The following COL13A1 variants were observed in gnomAD, a reference collection of about 807,000 sequenced individuals.
COL13A1 encodes collagen alpha-1(XIII) chain.
A neutral mutation model predicts 130.9 loss-of-function variants in COL13A1; 89 were observed. The observed-to-expected ratio is 0.68, with a 90% CI of 0.57 to 0.81. The LOEUF is 0.81. COL13A1 is among the 30% of genes least tolerant of loss of function. COL13A1 has a pLI of 0.00. For synonymous variants in COL13A1, 402 were observed against 341.6 expected, an observed-to-expected ratio of 1.18 and a Z score of -1.95; for missense variants, 879 against 934.6, an observed-to-expected ratio of 0.94 and a Z score of 0.78.
chr10:69,842,000 C>T (rs1479155645), intron 2 of COL13A1, among the ~76,000 whole-genome samples: 4 of 152,184 alleles, frequency 2.6e-5, no homozygotes, highest in African/African-American at 7.2e-5. Flanking sequence ...AAGTATTGAG[C>T]AGGACCATGA....
intron 18 of COL13A1, among the ~76,000 whole-genome samples, chr10:69,917,673 G>A (rs1026432753): frequency 6.7e-6 from 1 of 150,300 alleles, no homozygotes; most frequent in African/African-American, 2.5e-5. Context: ...AAAGTGAAAT[G>A]ATATCAGGTG....
chr10:69,930,798 T>C (rs2066011467), intron 30 of COL13A1, among the ~76,000 whole-genome samples: 2 of 152,228 alleles, frequency 1.3e-5, no homozygotes, highest in Admixed American at 1.3e-4. Context: ...CCACTCACTG[T>C]TGCAGAGTCT....
intron 1 of COL13A1, among the ~76,000 whole-genome samples, chr10:69,808,800 G>C (rs1842240090): frequency 6.6e-6 from 1 of 152,230 alleles, no homozygotes; most frequent in African/African-American, 2.4e-5. Context: ...CCTGTTAGAG[G>C]CTGGGGAAGG....
At chr10:69,877,541 C>A (rs2059688597) in intron 5 of COL13A1, 1 of 161,666 alleles carries the variant, frequency 6.2e-6, no homozygotes, top group Admixed American at 6.1e-5. Context: ...CGATCCCCAC[C>A]CCAACCTCAG....
At chr10:69,900,233 C>T (rs1260609354) in intron 14 of COL13A1, among the ~76,000 whole-genome samples, 2 of 152,196 alleles carry the variant, frequency 1.3e-5, no homozygotes, top group African/African-American at 4.8e-5. Context: ...CCAACAGCGA[C>T]CTCCCAGCCT....
In COL13A1 at chr10:69,923,457, A is replaced by G. The variant is rs1430569951; in HGVS notation, c.1231-345A>G. ...TCAGAAGGAAAGCATGAATTACTCT[A>G]CATCATCTGGGGCAATACACTCATT... On this transcript the variant is annotated intron_variant, in intron 23 of 40. Coordinates refer to ENST00000645393, the MANE Select transcript of COL13A1 (RefSeq NM_001368882.1). Among the ~76,000 whole-genome samples the G allele has an allele frequency of 3.3e-5, 5 of 152,220 alleles. No individual in the cohort carries two copies. The East Asian group carries it at 9.6e-4, about 29-fold the overall frequency.
chr10:69,829,589 T>C (rs1322371168), intron 2 of COL13A1, among the ~76,000 whole-genome samples: 2 of 152,256 alleles, frequency 1.3e-5, no homozygotes, highest in African/African-American at 4.8e-5. Context: ...AGGCCCTTCC[T>C]TGGCTGTTGC....
chr10:69,904,663 A>G (rs552296418), intron 15 of COL13A1, among the ~76,000 whole-genome samples: 1 of 152,284 alleles, frequency 6.6e-6, no homozygotes, highest in Non-Finnish European at 1.5e-5. Flanking sequence ...GATGCTGCTG[A>G]CCTACTTTCC....
At chr10:69,953,885 A>G (rs941366440) in intron 39 of COL13A1, 2 of 152,682 alleles carry the variant, frequency 1.3e-5, no homozygotes, top group African/African-American at 4.8e-5. Context: ...GGGCCTCTCT[A>G]TTCCATGGTT....
chr10:69,839,551 C>G (rs143486936), intron 2 of COL13A1, among the ~76,000 whole-genome samples: 1 of 152,278 alleles, frequency 6.6e-6, no homozygotes, highest in East Asian at 1.9e-4. Context: ...GGGGAGCCCA[C>G]CACGCAGAGC....
Position 69,894,544 on chromosome 10 carries a change from T to C in COL13A1, c.604-8T>C, listed in dbSNP as rs771440875. 1.2e-6 allele frequency: 2 copies of C among 1,613,884 alleles called. No homozygotes were observed. Among genetic ancestry groups the C allele is most frequent in the Non-Finnish European group, 1.7e-6 (2 of 1,179,884 alleles). ...GCCCACTGACCTGTGTGTGTTTGCT[T>C]CCCACAGGGTCTGACGGGTCCCCCA... On this transcript the variant is annotated splice_polypyrimidine_tract_variant and splice_region_variant and intron_variant, in intron 10 of 40. Coordinates refer to ENST00000645393, the MANE Select transcript of COL13A1 (RefSeq NM_001368882.1).
At position 69,902,689 on chromosome 10, in the gene COL13A1, G is replaced by C. The variant is rs1424244891; in HGVS notation, c.751-59G>C. ...TTCACTGGGTGCATGGCCTGAGGGT[G>C]GGGGACGGTCTGCAGCTCTGGGGGC... is the stretch of plus-strand genomic sequence containing the variant. On this transcript the variant is annotated intron_variant, in intron 14 of 40. Transcript: ENST00000645393. 4.9e-6 allele frequency: 7 copies of C among 1,416,210 alleles called. No homozygotes were observed. In the African/African-American group the frequency reaches 5.8e-5, roughly 12 times the overall value. 87.7% of individuals were successfully genotyped at this position (1,416,210 alleles called of 1,614,324 possible). A position where few individuals can be genotyped will look rare whatever the true frequency, so the allele number is the denominator to read the frequency against.
At chr10:69,892,202 G>A (rs931234654) in intron 10 of COL13A1, among the ~76,000 whole-genome samples, 8 of 152,110 alleles carry the variant, frequency 5.3e-5, no homozygotes, top group Admixed American at 3.3e-4. Flanking sequence ...ATGGGTACCC[G>A]AGCTGTTAGT....
intron 2 of COL13A1, among the ~76,000 whole-genome samples, chr10:69,852,192 C>T: frequency 6.6e-6 from 1 of 152,196 alleles, no homozygotes; most frequent in East Asian, 1.9e-4. Flanking sequence ...AAGCATTTTC[C>T]CAAATTCCAG....
chr10:69,931,617 G>A (rs2066134197), intron 30 of COL13A1, among the ~76,000 whole-genome samples: 1 of 152,164 alleles, frequency 6.6e-6, no homozygotes, highest in Admixed American at 6.5e-5. Flanking sequence ...AACCGGCACA[G>A]GCAGGCAGCT....
rs576595154 is a variant in COL13A1, at chr10:69,889,398, C to T, written c.577-16C>T. The T allele has an allele frequency of 2.5e-6, 4 of 1,609,350 alleles. No homozygotes were observed. The highest frequency in any genetic ancestry group is 1.7e-4 in the Middle Eastern group (1 of 6,054). ...TGCGAACAGTGCACCTGGTACTCAC[C>T]CTCTTCTCCTTCCAGGGCCACCCAG... is the stretch of plus-strand genomic sequence containing the variant. On this transcript the variant is annotated splice_polypyrimidine_tract_variant and intron_variant, in intron 9 of 40. Transcript: ENST00000645393.
At chr10:69,816,664 G>A (rs1351001070) in intron 1 of COL13A1, among the ~76,000 whole-genome samples, 1 of 152,136 alleles carries the variant, frequency 6.6e-6, no homozygotes, top group Non-Finnish European at 1.5e-5. Flanking sequence ...CAGGGTGGTG[G>A]AAGGGAAATG....
intron 2 of COL13A1, among the ~76,000 whole-genome samples, chr10:69,858,056 C>A (rs1414646872): frequency 7.1e-6 from 1 of 141,814 alleles, no homozygotes; most frequent in Non-Finnish European, 1.5e-5. Context: ...GCAGAGGTTG[C>A]AGTGAGCCGA....
intron 17 of COL13A1, among the ~76,000 whole-genome samples, chr10:69,914,740 G>A (rs545562894): frequency 6.6e-6 from 1 of 152,364 alleles, no homozygotes; most frequent in Admixed American, 6.5e-5. Flanking sequence ...CCAAAGGAAA[G>A]AATGACAGGA....
Sources: gnomAD v4.1 joint callset for allele counts (sites outside exome capture counted in the v4.1 genomes callset) on GRCh38, gnomAD v4.1.1 for gene constraint, MANE v1.5 for transcripts, NCBI Gene and HGNC (gene_info 2026-07-23, HGNC 2026-07-21) for gene names.